Variants in LRRC49 observed in about 807,000 individuals in gnomAD.
LRRC49 encodes leucine-rich repeat-containing protein 49.
In LRRC49, 50 loss-of-function variants were observed where a neutral mutation model predicts 83.3. That is an observed-to-expected ratio of 0.60 (90% CI 0.48 to 0.76). LRRC49 has a LOEUF of 0.76. Ranked by LOEUF, LRRC49 falls within the 30% of genes least tolerant of loss-of-function variation. LRRC49 has a pLI of 0.00. For synonymous variants in LRRC49, 286 were observed against 283.3 expected, an observed-to-expected ratio of 1.01 and a Z score of -0.10; for missense variants, 704 against 809.1, an observed-to-expected ratio of 0.87 and a Z score of 1.58.
chr15:70,880,267 T>G (rs570287786), intron 2 of LRRC49, among the ~76,000 whole-genome samples: 1 of 152,216 alleles, frequency 6.6e-6, no homozygotes, highest in African/African-American at 2.4e-5. Context: ...TAACATCTTC[T>G]CCTACTTTGT....
At chr15:70,952,522 G>T (rs943495823) in intron 8 of LRRC49, among the ~76,000 whole-genome samples, 7 of 152,002 alleles carry the variant, frequency 4.6e-5, no homozygotes, top group African/African-American at 1.7e-4. Flanking sequence ...TTTGATTTTT[G>T]AATTTGCTGA....
intron 8 of LRRC49, among the ~76,000 whole-genome samples, chr15:70,959,797 AAGTT>A (rs1175714461): frequency 1.3e-5 from 2 of 152,180 alleles, no homozygotes; most frequent in African/African-American, 4.8e-5. Context: ...ACTGAAGAAA[AAGTT>A]AGAGGAGTCA....
intron 14 of LRRC49, among the ~76,000 whole-genome samples, chr15:71,036,949 G>C (rs1049589870): frequency 6.6e-6 from 1 of 152,076 alleles, no homozygotes; most frequent in Non-Finnish European, 1.5e-5. Flanking sequence ...AAATGTTTGA[G>C]ACGTATTTTC....
chr15:70,872,171 A>G (rs1350150868), intron 1 of LRRC49, among the ~76,000 whole-genome samples: 1 of 152,258 alleles, frequency 6.6e-6, no homozygotes, highest in African/African-American at 2.4e-5. Flanking sequence ...AAGCTGGCAG[A>G]TCACTCACGG....
intron 2 of LRRC49, chr15:70,894,461 C>A: frequency 6.0e-6 from 2 of 335,276 alleles, no homozygotes; most frequent in Non-Finnish European, 1.1e-5. Flanking sequence ...TTTTTTTCCC[C>A]AAGATTATTT....
At chr15:70,868,081 T>G (rs2032951053) in intron 1 of LRRC49, among the ~76,000 whole-genome samples, 1 of 152,100 alleles carries the variant, frequency 6.6e-6, no homozygotes, top group Non-Finnish European at 1.5e-5. Flanking sequence ...GCTAATGGCT[T>G]GGAGGGTGGC....
At chr15:70,901,073 G>GTCAA in intron 4 of LRRC49, 49 bp downstream of exon 4, 2 of 1,091,260 alleles carry the variant, frequency 1.8e-6, no homozygotes, top group Non-Finnish European at 2.7e-6. Flanking sequence ...GTAATACATA[G>GTCAA]ACGTGGTACA....
rs1467873009 is a variant in LRRC49, at chr15:71,008,537, C to T, written c.1328C>T (p.Thr443Ile). The T allele has an allele frequency of 1.2e-6, 2 of 1,612,554 alleles. No individual in the cohort carries two copies. The highest frequency in any genetic ancestry group is 2.2e-5 in the East Asian group (1 of 44,794). ...GTTCAAACAGCAGGAATGATCACAA[C>T]AGTCTCCTTCACTTTCATAGAATTT... ...WSVQTAGMIT[T>I]VSFTFIEFDE... The change falls in exon 12 of 16, where the codon ACA becomes ATA. Residue 443 changes from threonine to isoleucine, a missense_variant. By Grantham distance (89) the Thr-to-Ile change is moderately conservative. Coordinates refer to ENST00000260382, the MANE Select transcript of LRRC49 (RefSeq NM_017691.5).
At chr15:71,004,683 T>C (rs886734969) in intron 11 of LRRC49, among the ~76,000 whole-genome samples, 1 of 149,648 alleles carries the variant, frequency 6.7e-6, no homozygotes, top group African/African-American at 2.4e-5. Context: ...AGAGAAAATG[T>C]GGTACATATA....
At chr15:70,910,217 T>C (rs1330189779) in intron 5 of LRRC49, among the ~76,000 whole-genome samples, 2 of 152,158 alleles carry the variant, frequency 1.3e-5, no homozygotes, top group Non-Finnish European at 2.9e-5. Flanking sequence ...GAAATATTTT[T>C]ATAAATTAAA....
chr15:70,862,165 C>T (rs546877683), intron 1 of LRRC49, among the ~76,000 whole-genome samples: 1 of 152,184 alleles, frequency 6.6e-6, no homozygotes, highest in African/African-American at 2.4e-5. Context: ...TCCTCCATTC[C>T]CCAGGAAGAC....
rs568637635 is a variant in LRRC49, at chr15:71,049,472, G to A, written c.1921G>A (p.Glu641Lys). 145 of 1,613,614 alleles carry A rather than the reference G, an allele frequency of 9.0e-5. No homozygotes were observed. The East Asian group carries it at 3.1e-3, about 34-fold the overall frequency. Residue 641 changes from glutamate (E) to lysine (K), a missense_variant, in exon 16 of 16, where the codon GAA (glutamate) becomes AAA (lysine). Physicochemically the swap from Glu to Lys is moderately conservative, Grantham distance 56. Transcript: ENST00000260382. Reference sequence around the variant, plus strand: ...AGAAGACCTTGTGAAGGAAGCCACAGAAATCAACATGAAAAATGAGGCTTT... The same window carrying A: ...AGAAGACCTTGTGAAGGAAGCCACAAAAATCAACATGAAAAATGAGGCTTT... ...YIEDLVKEAT[E>K]INMKNEALQK...
intron 14 of LRRC49, among the ~76,000 whole-genome samples, chr15:71,019,595 C>T (rs2038932588): frequency 1.3e-5 from 2 of 152,142 alleles, no homozygotes; most frequent in Non-Finnish European, 1.5e-5. Context: ...AATGAAACCC[C>T]AGTGGCTATA....
intron 7 of LRRC49, among the ~76,000 whole-genome samples, chr15:70,922,861 A>G (rs2035058556): frequency 6.6e-6 from 1 of 152,034 alleles, no homozygotes; most frequent in Non-Finnish European, 1.5e-5. Context: ...ATAAAACTCA[A>G]AAAAACCTGA....
intron 11 of LRRC49, among the ~76,000 whole-genome samples, chr15:70,988,732 C>T (rs1387268323): frequency 5.3e-5 from 8 of 152,156 alleles, no homozygotes; most frequent in East Asian, 1.9e-4. Flanking sequence ...TTCCTAGTCT[C>T]GATGGCCTTT....
upstream of LRRC49, chr15:70,891,918 T>A (rs1486087152): frequency 1.9e-6 from 3 of 1,613,806 alleles, no homozygotes; most frequent in African/African-American, 4.0e-5. Flanking sequence ...TCAGAATGCC[T>A]GGCTGCCTGG....
At chr15:70,991,286 G>A (rs560862357) in intron 11 of LRRC49, among the ~76,000 whole-genome samples, 2 of 152,250 alleles carry the variant, frequency 1.3e-5, no homozygotes, top group South Asian at 2.1e-4. Context: ...TAAATTCAGA[G>A]GGACATAAAG....
intron 14 of LRRC49, among the ~76,000 whole-genome samples, chr15:71,026,674 C>G (rs1305268059): frequency 6.6e-6 from 1 of 152,186 alleles, no homozygotes; most frequent in Non-Finnish European, 1.5e-5. Flanking sequence ...TTTTGATTTG[C>G]ATTTCTCTAA....
chr15:70,871,724 T>C (rs559994928), intron 1 of LRRC49, among the ~76,000 whole-genome samples: 216 of 123,266 alleles, frequency 1.8e-3, no homozygotes, highest in Non-Finnish European at 2.7e-3. Flanking sequence ...GACGGGGTGG[T>C]GGTGGGGCAG....
Sources: gnomAD v4.1 joint callset for allele counts (sites outside exome capture counted in the v4.1 genomes callset) on GRCh38, gnomAD v4.1.1 for gene constraint, MANE v1.5 for transcripts, NCBI Gene and HGNC (gene_info 2026-07-23, HGNC 2026-07-21) for gene names.